The following SIPA1L3 variants were observed in gnomAD, a reference collection of about 807,000 sequenced individuals.
The protein encoded by SIPA1L3 is signal induced proliferation associated 1 like 3, also known as signal-induced proliferation-associated 1-like protein 3.
In SIPA1L3, 59 loss-of-function variants were observed where a neutral mutation model predicts 150.1. The ratio of observed to expected loss-of-function variants is 0.39; its 90% CI spans 0.32 to 0.49. The LOEUF (loss-of-function observed/expected upper bound fraction) is 0.49. SIPA1L3 is among the 20% of genes least tolerant of loss of function. The pLI, the probability that SIPA1L3 is intolerant of heterozygous loss-of-function variation, is 0.86. For missense variants in SIPA1L3, 2,211 were observed against 2,489.5 expected, an observed-to-expected ratio of 0.89 and a Z score of 2.38; for synonymous variants, 1,070 against 1,077.6, an observed-to-expected ratio of 0.99 and a Z score of 0.14.
At chr19:37,987,319 T>C (rs1967380923) in intron 1 of SIPA1L3, among the ~76,000 whole-genome samples, 1 of 152,158 alleles carries the variant, frequency 6.6e-6, no homozygotes, top group Non-Finnish European at 1.5e-5. Flanking sequence ...AAGTCTGCTT[T>C]TCAGATGTGT....
At position 38,152,963 on chromosome 19, in the gene SIPA1L3, G is replaced by A. The variant is rs1971861481; in HGVS notation, c.3657G>A (p.Lys1219=). ...AGGAGAGCACCATGGAACGCCAGAAGCCAGGTAGGGCCCCCACCAGCTGCT... is the reference window on the plus strand; with the variant it reads ...AGGAGAGCACCATGGAACGCCAGAAACCAGGTAGGGCCCCCACCAGCTGCT... ...TSQESTMERQ[K]PEPLWHVPAQ... Residue 1219 remains lysine (K), a synonymous_variant, in exon 13 of 22, where the codon AAG becomes AAA. Coordinates refer to ENST00000222345, the MANE Select transcript of SIPA1L3 (RefSeq NM_015073.3). The A allele has an allele frequency of 6.2e-7, 1 of 1,611,836 alleles. No individual in the cohort carries two copies. The highest frequency in any genetic ancestry group is 1.7e-5 in the Admixed American group (1 of 59,812).
At chr19:38,044,791 T>C (rs561251966) in intron 2 of SIPA1L3, among the ~76,000 whole-genome samples, 1 of 152,234 alleles carries the variant, frequency 6.6e-6, no homozygotes, top group African/African-American at 2.4e-5. Flanking sequence ...CCTGGGCTCC[T>C]GTCCCCAGAT....
At chr19:38,044,017 AG>A (rs887026521) in intron 2 of SIPA1L3, among the ~76,000 whole-genome samples, 1 of 152,094 alleles carries the variant, frequency 6.6e-6, no homozygotes, top group African/African-American at 2.4e-5. Flanking sequence ...GGTGTGAAGG[AG>A]GGGTGAGCCC....
intron 8 of SIPA1L3, among the ~76,000 whole-genome samples, chr19:38,116,544 AAG>A (rs1568558192): frequency 0.017 from 2,477 of 148,660 alleles, 70 homozygotes; most frequent in African/African-American, 0.057. Context: ...AAAAAAAAGA[AAG>A]AAAGAAAAGA....
intron 2 of SIPA1L3, among the ~76,000 whole-genome samples, chr19:38,030,782 C>T (rs770945840): frequency 1.3e-5 from 2 of 151,962 alleles, no homozygotes; most frequent in African/African-American, 2.4e-5. Context: ...TGGCATGGGC[C>T]CCCAGCTGCA....
chr19:37,979,181 G>A (rs1319917818), intron 1 of SIPA1L3, among the ~76,000 whole-genome samples: 1 of 152,010 alleles, frequency 6.6e-6, no homozygotes, highest in East Asian at 1.9e-4. Context: ...TGGCCAGGGA[G>A]CTAAAAATGG....
intron 15 of SIPA1L3, among the ~76,000 whole-genome samples, chr19:38,175,644 G>A (rs1972420356): frequency 6.6e-6 from 1 of 152,172 alleles, no homozygotes; most frequent in African/African-American, 2.4e-5. Context: ...CCTGGCACCT[G>A]CAGCTCCGCG....
At chr19:37,962,060 C>T (rs943674169) in intron 1 of SIPA1L3, among the ~76,000 whole-genome samples, 6 of 151,564 alleles carry the variant, frequency 4.0e-5, no homozygotes, top group Non-Finnish European at 8.8e-5. Context: ...TGTAAGCCGT[C>T]TAGAAGGCAA....
At chr19:38,060,987 CAGCCTTA>C (rs1330175863) in intron 2 of SIPA1L3, among the ~76,000 whole-genome samples, 1 of 152,230 alleles carries the variant, frequency 6.6e-6, no homozygotes, top group Non-Finnish European at 1.5e-5. Context: ...CCACCTCACC[CAGCCTTA>C]AGTACTAACT....
intron 1 of SIPA1L3, among the ~76,000 whole-genome samples, chr19:37,949,736 G>T (rs966096817): frequency 4.6e-5 from 7 of 151,994 alleles, no homozygotes; most frequent in Non-Finnish European, 8.8e-5. Flanking sequence ...CTGGCCTAGG[G>T]TACATTTCCC....
At chr19:37,985,877 C>T (rs1270495938) in intron 1 of SIPA1L3, among the ~76,000 whole-genome samples, 5 of 152,230 alleles carry the variant, frequency 3.3e-5, no homozygotes, top group East Asian at 1.9e-4. Flanking sequence ...AGAGACCCTT[C>T]GCCCCTTGGG....
intron 12 of SIPA1L3, among the ~76,000 whole-genome samples, chr19:38,151,028 A>T (rs998765525): frequency 6.6e-6 from 1 of 152,156 alleles, no homozygotes; most frequent in African/African-American, 2.4e-5. Context: ...TGACCACATT[A>T]TCAAGGGCCA....
intron 1 of SIPA1L3, among the ~76,000 whole-genome samples, chr19:38,006,235 G>C (rs1370669233): frequency 6.6e-6 from 1 of 152,106 alleles, no homozygotes; most frequent in Non-Finnish European, 1.5e-5. Flanking sequence ...AAGAGCCTGA[G>C]GTGGGGTAGA....
chr19:37,950,076 CAAAA>C (rs35506284), intron 1 of SIPA1L3, among the ~76,000 whole-genome samples: 19 of 55,696 alleles, frequency 3.4e-4, no homozygotes, highest in African/African-American at 8.6e-4. Context: ...GACTGTGTCT[CAAAA>C]AAAAAAAAAA....
chr19:38,037,554 A>G (rs1555779483), intron 2 of SIPA1L3, among the ~76,000 whole-genome samples: 1 of 152,170 alleles, frequency 6.6e-6, no homozygotes. Context: ...GGAGCTGTTG[A>G]AAGAATCAAA....
At chr19:38,118,343 TG>T in intron 8 of SIPA1L3, among the ~76,000 whole-genome samples, 1 of 151,564 alleles carries the variant, frequency 6.6e-6, no homozygotes, top group Non-Finnish European at 1.5e-5. Context: ...GAGAATCGCC[TG>T]AACCCAGGAG....
chr19:37,988,244 T>G (rs183626840), intron 1 of SIPA1L3, among the ~76,000 whole-genome samples: 1 of 152,308 alleles, frequency 6.6e-6, no homozygotes, highest in African/African-American at 2.4e-5. Context: ...CAAGGCCAGG[T>G]GCAGTGGCTC....
At position 38,124,399 on chromosome 19, in the gene SIPA1L3, C is replaced by T. The variant is rs1022581516; in HGVS notation, c.2868+4517C>T. On this transcript the variant is annotated intron_variant, in intron 9 of 21. Transcript: ENST00000222345. Reference sequence around the variant, plus strand: ...GCAGAGGCGCTCCCCACATCTCAGACGATGGGCGGCCGGGCAGAGACGTTC... The same window carrying T: ...GCAGAGGCGCTCCCCACATCTCAGATGATGGGCGGCCGGGCAGAGACGTTC... Among the ~76,000 whole-genome samples the T allele has an allele frequency of 1.9e-3, 277 of 145,616 alleles. 3 individuals are homozygous for T. The highest frequency in any genetic ancestry group is 6.9e-3 in the African/African-American group (266 of 38,336).
At chr19:37,916,958 CA>C (rs370726629) in intron 1 of SIPA1L3, among the ~76,000 whole-genome samples, 39,706 of 133,828 alleles carry the variant, frequency 0.3, 5,869 homozygotes, top group Non-Finnish European at 0.38. Flanking sequence ...GACTCCTTCT[CA>C]AAAAAAAAAA....
Sources: allele counts gnomAD v4.1 joint callset (sites outside exome capture counted in the v4.1 genomes callset), GRCh38; gene constraint gnomAD v4.1.1; transcripts MANE v1.5; gene names NCBI Gene and HGNC (gene_info 2026-07-23, HGNC 2026-07-21).